Variants in DAB1 observed in about 807,000 individuals in gnomAD.
DAB1 encodes the protein disabled homolog 1.
A neutral mutation model predicts 64.6 loss-of-function variants in DAB1; 15 were observed. That is an observed-to-expected ratio of 0.23 (90% CI 0.16 to 0.36). The LOEUF is 0.36. DAB1 is among the 10% of genes least tolerant of loss of function. DAB1 has a pLI of 1.00. For missense variants in DAB1, 596 were observed against 706.7 expected (o/e 0.84, Z 1.78); for synonymous variants, 235 against 251.9 (o/e 0.93, Z 0.64).
At chr1:57,904,273 G>A (rs1179928301) in intron 5 of DAB1, among the ~76,000 whole-genome samples, 1 of 152,164 alleles carries the variant, frequency 6.6e-6, no homozygotes, top group Admixed American at 6.5e-5. Flanking sequence ...ATTGGCAAAT[G>A]ATGTTTCCTT....
chr1:57,938,160 T>C (rs1356080830), intron 5 of DAB1, among the ~76,000 whole-genome samples: 1 of 152,336 alleles, frequency 6.6e-6, no homozygotes, highest in East Asian at 1.9e-4. Context: ...CCTTGCTGGG[T>C]GTGTAACTCT....
chr1:58,289,344 A>C (rs1557723291), intron 4 of DAB1, among the ~76,000 whole-genome samples: 1 of 152,160 alleles, frequency 6.6e-6, no homozygotes. Flanking sequence ...AGGCTAAGAG[A>C]GGTGAAGTGA....
rs181650132 is a variant in DAB1 at position 57,841,216 on chromosome 1, T to A, written n.88-14761A>T. Among the ~76,000 whole-genome samples, 8 of 152,366 alleles carry A rather than the reference T, an allele frequency of 5.3e-5. No individual in the cohort carries two copies. In the East Asian group the frequency reaches 1.5e-3, roughly 29 times the overall value. ...ATGTCTCACATCCAAGACACACTGA[T>A]GCAAGAAGTAGGTTCCCATGGCCTT... On this transcript the variant is annotated intron_variant and non_coding_transcript_variant, in intron 1 of 1. Coordinates refer to the DAB1 transcript ENST00000477280.
At chr1:57,747,169 G>T (rs1478120141) in intron 6 of DAB1, among the ~76,000 whole-genome samples, 1 of 152,088 alleles carries the variant, frequency 6.6e-6, no homozygotes, top group African/African-American at 2.4e-5. Flanking sequence ...TTTAAGGTTT[G>T]GTTTTTGACA....
At chr1:57,291,845 C>T (rs1373626164) in intron 1 of DAB1, among the ~76,000 whole-genome samples, 1 of 152,180 alleles carries the variant, frequency 6.6e-6, no homozygotes, top group Non-Finnish European at 1.5e-5. Context: ...CTATTAAACT[C>T]AGACACCGTG....
chr1:57,850,843 T>C (rs1474591529), intron 1 of DAB1, among the ~76,000 whole-genome samples: 1 of 152,218 alleles, frequency 6.6e-6, no homozygotes, highest in Non-Finnish European at 1.5e-5. Context: ...AGCATTCCTC[T>C]TTCAACTCTC....
chr1:57,543,581 T>C (rs908542789), intron 7 of DAB1, among the ~76,000 whole-genome samples: 1 of 151,682 alleles, frequency 6.6e-6, no homozygotes, highest in Non-Finnish European at 1.5e-5. Flanking sequence ...TAAAATAGAG[T>C]AAAAACACAA....
intron 4 of DAB1, among the ~76,000 whole-genome samples, chr1:58,227,026 T>A (rs1345949605): frequency 1.3e-5 from 2 of 152,210 alleles, no homozygotes; most frequent in South Asian, 2.1e-4. Context: ...GATATTATTA[T>A]CCCACTTTAT....
chr1:57,922,228 A>G (rs1422381277), intron 5 of DAB1, among the ~76,000 whole-genome samples: 1 of 152,174 alleles, frequency 6.6e-6, no homozygotes, highest in Non-Finnish European at 1.5e-5. Flanking sequence ...CTCAGTTTCA[A>G]TTATGAGTCT....
intron 6 of DAB1, among the ~76,000 whole-genome samples, chr1:57,805,752 T>C (rs913576611): frequency 1.3e-5 from 2 of 152,166 alleles, no homozygotes; most frequent in Non-Finnish European, 1.5e-5. Flanking sequence ...CTGGAGCTTA[T>C]GGCAACTCCA....
At chr1:58,004,706 T>A (rs1646554650) in intron 5 of DAB1, among the ~76,000 whole-genome samples, 1 of 152,060 alleles carries the variant, frequency 6.6e-6, no homozygotes, top group African/African-American at 2.4e-5. Context: ...GTGCCTGAAG[T>A]ACAGTGAACA....
intron 4 of DAB1, among the ~76,000 whole-genome samples, chr1:57,073,919 C>T (rs968938608): frequency 2.0e-5 from 3 of 152,206 alleles, no homozygotes; most frequent in Non-Finnish European, 4.4e-5. Context: ...CCCTGTCACC[C>T]ACGCTGGAGT....
intron 5 of DAB1, among the ~76,000 whole-genome samples, chr1:58,089,837 C>A (rs1001232874): frequency 6.6e-6 from 1 of 152,168 alleles, no homozygotes; most frequent in African/African-American, 2.4e-5. Flanking sequence ...GTGAAAACTG[C>A]CAGCACCCAG....
At chr1:57,233,217 C>A (rs996158174) in intron 2 of DAB1, among the ~76,000 whole-genome samples, 2 of 149,914 alleles carry the variant, frequency 1.3e-5, no homozygotes, top group East Asian at 4.0e-4. Flanking sequence ...GAAGGATTCA[C>A]CCATCTCAGC....
intron 7 of DAB1, among the ~76,000 whole-genome samples, chr1:57,456,171 G>A (rs1361107751): frequency 6.6e-6 from 1 of 152,150 alleles, no homozygotes. Context: ...ATGCACAGCA[G>A]TATTTCAAAT....
At chr1:57,233,255 C>CCTTTTTTTT (rs1211223285) in intron 2 of DAB1, among the ~76,000 whole-genome samples, 1 of 60,804 alleles carries the variant, frequency 1.6e-5, no homozygotes, top group East Asian at 7.0e-4. Context: ...TGCTCCGATT[C>CCTTTTTTTT]TTTTTTTTTT....
intron 2 of DAB1, among the ~76,000 whole-genome samples, chr1:57,254,615 A>G (rs1412200825): frequency 1.3e-5 from 2 of 150,916 alleles, no homozygotes; most frequent in African/African-American, 2.5e-5. Context: ...ATGCGTATGT[A>G]CCATGGCTAA....
At chr1:57,780,184 C>T (rs6683311) in intron 6 of DAB1, among the ~76,000 whole-genome samples, 10,078 of 152,020 alleles carry the variant, frequency 0.066, 1,167 homozygotes, top group African/African-American at 0.23. Context: ...AAAAATATAT[C>T]CACATTGTGT....
At chr1:58,283,853 T>G (rs1661622068) in intron 4 of DAB1, among the ~76,000 whole-genome samples, 1 of 152,150 alleles carries the variant, frequency 6.6e-6, no homozygotes, top group Non-Finnish European at 1.5e-5. Context: ...GCAAAGACCA[T>G]GTTGTTTTAT....
Sources: gnomAD v4.1 joint callset for allele counts (sites outside exome capture counted in the v4.1 genomes callset) on GRCh38, gnomAD v4.1.1 for gene constraint, MANE v1.5 for transcripts, NCBI Gene and HGNC (gene_info 2026-07-23, HGNC 2026-07-21) for gene names.